PRKCE: variants seen among roughly 807,000 people sequenced by gnomAD.
The protein encoded by PRKCE is protein kinase C epsilon.
PRKCE carries 16 observed loss-of-function variants against 85.4 expected under a neutral mutation model. The observed-to-expected ratio is 0.19, with a 90% CI of 0.13 to 0.28. The LOEUF (loss-of-function observed/expected upper bound fraction) is 0.28, where lower values mean the gene tolerates loss of function less well. Among genes scored for constraint, PRKCE ranks in the 10% least tolerant of loss-of-function variants. The probability of loss-of-function intolerance (pLI) is 1.00; values close to 1 mark genes in which losing one functional copy is unlikely to be tolerated. For missense variants in PRKCE, 573 were observed against 975.2 expected (o/e 0.59, Z 5.49); for synonymous variants, 388 against 371.5 (o/e 1.04, Z -0.51).
intron 2 of PRKCE, among the ~76,000 whole-genome samples, chr2:45,901,434 C>T (rs1028791438): frequency 6.6e-6 from 1 of 152,120 alleles, no homozygotes; most frequent in African/African-American, 2.4e-5. Flanking sequence ...ATAAAGTTTG[C>T]CCTGGGCCTT....
intron 10 of PRKCE, among the ~76,000 whole-genome samples, chr2:46,051,007 C>G (rs1459584209): frequency 6.6e-6 from 1 of 152,162 alleles, no homozygotes; most frequent in Non-Finnish European, 1.5e-5. Flanking sequence ...CACTCCCTCA[C>G]CCCCAAATGA....
At chr2:45,975,194 T>C (rs753774427) in intron 2 of PRKCE, among the ~76,000 whole-genome samples, 14 of 150,730 alleles carry the variant, frequency 9.3e-5, no homozygotes, top group Non-Finnish European at 1.8e-4. Context: ...CAAGTGGAGT[T>C]GTTTCGAGGG....
chr2:45,793,664 T>C (rs1339527054), intron 1 of PRKCE, among the ~76,000 whole-genome samples: 1 of 152,108 alleles, frequency 6.6e-6, no homozygotes, highest in East Asian at 1.9e-4. Context: ...AGGTGTAGAG[T>C]TTTGTTTTCA....
intron 11 of PRKCE, among the ~76,000 whole-genome samples, chr2:46,131,035 C>T (rs984463177): frequency 9.9e-5 from 15 of 152,180 alleles, no homozygotes; most frequent in African/African-American, 3.6e-4. Flanking sequence ...ATATTTCATC[C>T]ACATCTATGG....
At chr2:45,898,693 A>C (rs1270786823) in intron 2 of PRKCE, among the ~76,000 whole-genome samples, 3 of 152,166 alleles carry the variant, frequency 2.0e-5, no homozygotes, top group African/African-American at 7.2e-5. Flanking sequence ...AGTGTGGGAG[A>C]TGGAGAGGGG....
At chr2:46,037,900 A>G (rs1707969499) in intron 10 of PRKCE, among the ~76,000 whole-genome samples, 1 of 152,246 alleles carries the variant, frequency 6.6e-6, no homozygotes, top group South Asian at 2.1e-4. Flanking sequence ...GTCGTTGGGC[A>G]AATGACTGAA....
intron 2 of PRKCE, among the ~76,000 whole-genome samples, chr2:45,891,788 T>G (rs1695741453): frequency 1.3e-5 from 2 of 152,150 alleles, no homozygotes; most frequent in African/African-American, 2.4e-5. Flanking sequence ...TGGCCCTCCT[T>G]AAAAATGCCA....
intron 10 of PRKCE, among the ~76,000 whole-genome samples, chr2:46,081,551 AG>A (rs1157928396): frequency 6.6e-6 from 1 of 152,204 alleles, no homozygotes; most frequent in Non-Finnish European, 1.5e-5. Context: ...AGCACGTCAC[AG>A]GGGGATCTGA....
At position 46,128,227 on chromosome 2, in the gene PRKCE, CA is replaced by C. The variant is rs111423119; in HGVS notation, c.1593-16856del. On this transcript the variant is annotated intron_variant, in intron 11 of 14. Transcript: ENST00000306156. ...CATCACTTGTAATGTCATCAGTCAA[CA>C]AAAAAAAAAGAGTAGATATTCGAAT... is the stretch of plus-strand genomic sequence containing the variant. Among the ~76,000 whole-genome samples the C allele has an allele frequency of 4.4e-4, 63 of 144,202 alleles. No homozygotes were observed. The East Asian group carries it at 8.3e-3, about 19-fold the overall frequency. 94.6% of individuals were successfully genotyped at this position (144,202 alleles called of 152,430 possible).
At chr2:46,176,598 A>T (rs1304442941) in intron 14 of PRKCE, among the ~76,000 whole-genome samples, 1 of 152,222 alleles carries the variant, frequency 6.6e-6, no homozygotes, top group African/African-American at 2.4e-5. Context: ...TGAAGCAATT[A>T]ACTTCATTTC....
intron 11 of PRKCE, among the ~76,000 whole-genome samples, chr2:46,106,861 C>A (rs572534297): frequency 6.6e-6 from 1 of 152,238 alleles, no homozygotes; most frequent in Admixed American, 6.5e-5. Flanking sequence ...CAAATCAGTC[C>A]TATACCAAGT....
Position 45,919,903 on chromosome 2 carries a change from C to T in PRKCE, c.413-56526C>T, listed in dbSNP as rs149317552. 2.0e-3 allele frequency among the ~76,000 whole-genome samples: 303 copies of T among 152,310 alleles called. 2 individuals carry two copies. Among genetic ancestry groups the T allele is most frequent in the African/African-American group, 6.9e-3 (288 of 41,570 alleles). The stretch of plus-strand genomic sequence containing the variant: ...AGGCGAACACTAGTGCCAGTGTTCA[C>T]TAGGTGTGGAAAAGGGTGCGTGAGT... On this transcript the variant is annotated intron_variant, in intron 2 of 14. Coordinates refer to ENST00000306156, the MANE Select transcript of PRKCE (RefSeq NM_005400.3).
chr2:45,799,365 T>A (rs572081640), intron 1 of PRKCE, among the ~76,000 whole-genome samples: 1 of 152,256 alleles, frequency 6.6e-6, no homozygotes, highest in South Asian at 2.1e-4. Context: ...ATATATTTAG[T>A]AAATAGATAA....
At chr2:45,661,831 C>T (rs1018682145) in intron 1 of PRKCE, among the ~76,000 whole-genome samples, 1 of 151,872 alleles carries the variant, frequency 6.6e-6, no homozygotes, top group Non-Finnish European at 1.5e-5. Context: ...GAGCTACTGT[C>T]CCCAGCCTAG....
chr2:46,113,348 A>T (rs1394227097), intron 11 of PRKCE, among the ~76,000 whole-genome samples: 1 of 152,246 alleles, frequency 6.6e-6, no homozygotes, highest in Non-Finnish European at 1.5e-5. Context: ...CTGAACTTAA[A>T]GAGGTTTTTA....
At chr2:46,093,999 T>A (rs969116465) in intron 11 of PRKCE, among the ~76,000 whole-genome samples, 1 of 152,178 alleles carries the variant, frequency 6.6e-6, no homozygotes, top group African/African-American at 2.4e-5. Flanking sequence ...TAAATATCTC[T>A]TTGTTTTCTA....
chr2:46,010,361 C>T lies in PRKCE; in HGVS notation c.1281C>T (p.Leu427=), dbSNP rs141253187. ...GATTGCAGGTCATGTTGGCAGAACTCAAGGGCAAAGATGAAGTATATGCTG... is the reference window on the plus strand; with the variant it reads ...GATTGCAGGTCATGTTGGCAGAACTTAAGGGCAAAGATGAAGTATATGCTG... The part of the protein sequence containing the change: ...GSFGKVMLAE[L]KGKDEVYAVK... Residue 427 remains leucine (L), a synonymous_variant, in exon 10 of 15, where the codon CTC becomes CTT. Transcript: ENST00000306156. The T allele has an allele frequency of 6.3e-7, 1 of 1,595,460 alleles. No homozygotes were observed. The highest frequency in any genetic ancestry group is 1.1e-5 in the South Asian group (1 of 90,628).
chr2:45,716,807 C>T (rs563789776), intron 1 of PRKCE, among the ~76,000 whole-genome samples: 23 of 152,168 alleles, frequency 1.5e-4, no homozygotes, highest in African/African-American at 5.5e-4. Flanking sequence ...TTCAGCATGG[C>T]TGGGGAGACC....
chr2:45,953,214 AG>A, intron 2 of PRKCE, among the ~76,000 whole-genome samples: 1 of 152,260 alleles, frequency 6.6e-6, no homozygotes, highest in East Asian at 1.9e-4. Flanking sequence ...ACATACCTAG[AG>A]GATCTCAGAA....
Sources: gnomAD v4.1 joint callset for allele counts (sites outside exome capture counted in the v4.1 genomes callset) on GRCh38, gnomAD v4.1.1 for gene constraint, MANE v1.5 for transcripts, NCBI Gene and HGNC (gene_info 2026-07-23, HGNC 2026-07-21) for gene names.